ETV6: variants seen among roughly 807,000 people sequenced by gnomAD.
ETV6 encodes the protein ETS variant transcription factor 6.
Under a neutral mutation model 51.1 loss-of-function variants are expected in ETV6, and 16 were observed. That is an observed-to-expected ratio of 0.31 (90% CI 0.21 to 0.48). The LOEUF (loss-of-function observed/expected upper bound fraction) is 0.48. ETV6 is among the 20% of genes least tolerant of loss of function. The pLI, the probability that ETV6 is intolerant of heterozygous loss-of-function variation, is 0.99. For missense variants in ETV6, 458 were observed against 594.8 expected, an observed-to-expected ratio of 0.77 and a Z score of 2.39; for synonymous variants, 240 against 224.1, an observed-to-expected ratio of 1.07 and a Z score of -0.64.
intron 1 of ETV6, among the ~76,000 whole-genome samples, chr12:11,681,879 T>G (rs890698884): frequency 1.3e-5 from 2 of 152,226 alleles, no homozygotes; most frequent in African/African-American, 2.4e-5. Context: ...TTCAACCATG[T>G]TCCTGCAAAG....
intron 2 of ETV6, among the ~76,000 whole-genome samples, chr12:11,781,425 G>A (rs190732101): frequency 9.8e-5 from 15 of 152,318 alleles, no homozygotes; most frequent in Non-Finnish European, 2.1e-4. Context: ...GTTTTGCCAT[G>A]TGAAACCAGA....
At chr12:11,752,727 ACC>A in intron 2 of ETV6, 148 bp downstream of exon 2, 1 of 944,154 alleles carries the variant, frequency 1.1e-6, no homozygotes, top group Non-Finnish European at 1.5e-6. Flanking sequence ...ACACCCCCCT[ACC>A]CCCAGATACC....
intron 7 of ETV6, among the ~76,000 whole-genome samples, chr12:11,887,759 A>G (rs1186074639): frequency 6.6e-6 from 1 of 151,746 alleles, no homozygotes. Flanking sequence ...GAAAAAAAAA[A>G]AAAAAAGAAA....
intron 3 of ETV6, among the ~76,000 whole-genome samples, chr12:11,847,929 G>A (rs1186428749): frequency 6.6e-6 from 1 of 152,228 alleles, no homozygotes; most frequent in Admixed American, 6.5e-5. Flanking sequence ...GACTGCAAAT[G>A]GGGACAGTAA....
chr12:11,737,324 G>T (rs1865722793), intron 1 of ETV6, among the ~76,000 whole-genome samples: 1 of 152,188 alleles, frequency 6.6e-6, no homozygotes, highest in Non-Finnish European at 1.5e-5. Flanking sequence ...CCTGTGTAAG[G>T]CACTGAATTT....
intron 2 of ETV6, among the ~76,000 whole-genome samples, chr12:11,818,766 G>GTGT (rs1946033764): frequency 6.6e-6 from 1 of 151,844 alleles, no homozygotes. Flanking sequence ...AAGCCTTGGG[G>GTGT]TGTCCCTGGT....
In ETV6 at chr12:11,859,118, GGTTTTTTTT is replaced by G. The variant is rs1946674754; in HGVS notation, c.463+5558_463+5566del. Among the ~76,000 whole-genome samples the G allele has an allele frequency of 2.7e-3, 114 of 41,798 alleles. 42 individuals carry two copies. Among genetic ancestry groups the G allele is most frequent in the Middle Eastern group, 0.024 (2 of 84 alleles). The allele number at this position is 41,798 out of a possible 152,430, so 27.4% of individuals were successfully genotyped here. A position where few individuals can be genotyped will look rare whatever the true frequency, so the allele number is the denominator to read the frequency against. The stretch of plus-strand genomic sequence containing the variant: ...TAAAGAAGATGAGGTATATGAATCT[GGTTTTTTTT>G]TTTTTTTTTTTTTTTTTTTTTTTTT... On this transcript the variant is annotated intron_variant, in intron 4 of 7. Transcript: ENST00000396373.
Position 11,692,351 on chromosome 12 carries a change from T to A in ETV6, c.33+42191T>A, listed in dbSNP as rs1417762438. ...CCCCTTGACCTTGGACTCCCTAGCC[T>A]CCATAACTGTAAGAAATAAATTTCA... is the stretch of plus-strand genomic sequence containing the variant. On this transcript the variant is annotated intron_variant, in intron 1 of 7. Coordinates refer to ENST00000396373, the MANE Select transcript of ETV6 (RefSeq NM_001987.5). 3.3e-5 allele frequency among the ~76,000 whole-genome samples: 5 copies of A among 152,166 alleles called. No individual in the cohort carries two copies. In the East Asian group the frequency reaches 9.6e-4, roughly 29 times the overall value.
intron 1 of ETV6, among the ~76,000 whole-genome samples, chr12:11,722,489 T>C (rs1255794868): frequency 1.3e-5 from 2 of 152,212 alleles, no homozygotes; most frequent in Non-Finnish European, 2.9e-5. Flanking sequence ...TTTAATCTAA[T>C]GGTGGACATT....
At chr12:11,663,409 T>C (rs1864135927) in intron 1 of ETV6, among the ~76,000 whole-genome samples, 1 of 152,234 alleles carries the variant, frequency 6.6e-6, no homozygotes, top group African/African-American at 2.4e-5. Flanking sequence ...CCTGCATTTA[T>C]TCCAGGGTTT....
chr12:11,860,384 C>G (rs919576172), intron 4 of ETV6, among the ~76,000 whole-genome samples: 2 of 152,094 alleles, frequency 1.3e-5, no homozygotes, highest in African/African-American at 4.8e-5. Context: ...CACTCTACAT[C>G]CCCCGACTAC....
chr12:11,868,866 C>T (rs1946830341), intron 4 of ETV6, among the ~76,000 whole-genome samples: 1 of 152,106 alleles, frequency 6.6e-6, no homozygotes, highest in Non-Finnish European at 1.5e-5. Flanking sequence ...CTTGTGCCTA[C>T]AGGCCACAGG....
intron 3 of ETV6, among the ~76,000 whole-genome samples, chr12:11,850,383 G>T (rs904609891): frequency 4.6e-5 from 7 of 152,114 alleles, no homozygotes; most frequent in African/African-American, 1.7e-4. Flanking sequence ...CCAAGACTAG[G>T]AGAGTGGCCT....
At chr12:11,851,871 G>GA (rs1946561746) in intron 3 of ETV6, among the ~76,000 whole-genome samples, 1 of 151,922 alleles carries the variant, frequency 6.6e-6, no homozygotes. Context: ...GGAGTTTGTA[G>GA]AAAAAAAGAA....
At position 11,842,096 on chromosome 12, in the gene ETV6, A is replaced by G. The variant is rs3863338; in HGVS notation, c.328+2792A>G. ...GACTCCGTCTCAAAAAAAAAAAAAA[A>G]AAGAAGAAGAAGGAGATGTAGGCTG... is the stretch of plus-strand genomic sequence containing the variant. On this transcript the variant is annotated intron_variant, in intron 3 of 7. Coordinates refer to ENST00000396373, the MANE Select transcript of ETV6 (RefSeq NM_001987.5). Among the ~76,000 whole-genome samples, 105 of 148,530 alleles carry G rather than the reference A, an allele frequency of 7.1e-4. 1 individual carries two copies. The highest frequency in any genetic ancestry group is 1.5e-3 in the South Asian group (7 of 4,804).
chr12:11,872,677 G>T (rs1013345457), intron 5 of ETV6, among the ~76,000 whole-genome samples: 13 of 152,020 alleles, frequency 8.6e-5, no homozygotes, highest in Non-Finnish European at 1.5e-4. Context: ...TGTATTTTTA[G>T]TAAAGACGGG....
intron 2 of ETV6, among the ~76,000 whole-genome samples, chr12:11,783,231 A>C (rs1945436539): frequency 6.6e-6 from 1 of 152,130 alleles, no homozygotes; most frequent in Admixed American, 6.5e-5. Flanking sequence ...AGGGCTCCCC[A>C]GAGAGACAGG....
intron 1 of ETV6, among the ~76,000 whole-genome samples, chr12:11,697,933 C>T (rs757148699): frequency 2.0e-5 from 3 of 152,038 alleles, no homozygotes; most frequent in Non-Finnish European, 2.9e-5. Context: ...TTGGACTTGA[C>T]GAAATCTCTT....
At chr12:11,877,105 C>T (rs752422644) in intron 5 of ETV6, among the ~76,000 whole-genome samples, 4 of 152,046 alleles carry the variant, frequency 2.6e-5, no homozygotes, top group Non-Finnish European at 4.4e-5. Context: ...TATATATATA[C>T]AAAGATTCAA....
Sources: gnomAD v4.1 joint callset for allele counts (sites outside exome capture counted in the v4.1 genomes callset) on GRCh38, gnomAD v4.1.1 for gene constraint, MANE v1.5 for transcripts, NCBI Gene and HGNC (gene_info 2026-07-23, HGNC 2026-07-21) for gene names.